Variants in DNTT observed in about 807,000 individuals in gnomAD.
DNTT encodes the protein DNA nucleotidylexotransferase.
A neutral mutation model predicts 60.9 loss-of-function variants in DNTT; 47 were observed. The observed-to-expected ratio is 0.77, with a 90% CI of 0.61 to 0.98. The LOEUF (loss-of-function observed/expected upper bound fraction) is 0.98, where lower values mean the gene tolerates loss of function less well. Ranked by LOEUF, DNTT falls within the 50% of genes least tolerant of loss-of-function variation. DNTT has a pLI of 0.00. For synonymous variants in DNTT, 224 were observed against 221.2 expected, an observed-to-expected ratio of 1.01 and a Z score of -0.11; for missense variants, 665 against 627.5, an observed-to-expected ratio of 1.06 and a Z score of -0.64.
intron 7 of DNTT, among the ~76,000 whole-genome samples, 193 bp from the exon 8 acceptor site, chr10:96,328,532 A>G (rs1326761504): frequency 6.6e-6 from 1 of 152,148 alleles, no homozygotes; most frequent in Non-Finnish European, 1.5e-5. Flanking sequence ...GCTATGTATG[A>G]CTTTTTCTGT....
intron 1 of DNTT, among the ~76,000 whole-genome samples, chr10:96,317,679 C>A (rs1325245533): frequency 6.6e-6 from 1 of 152,080 alleles, no homozygotes; most frequent in African/African-American, 2.4e-5. Flanking sequence ...AGCTGCCTTC[C>A]CCTTCTGCTA....
At chr10:96,334,513 T>C (rs1175096513) in intron 9 of DNTT, among the ~76,000 whole-genome samples, 2 of 152,160 alleles carry the variant, frequency 1.3e-5, no homozygotes, top group Non-Finnish European at 2.9e-5. Flanking sequence ...TTGAGTGAAA[T>C]GGGTTCGTAG....
At chr10:96,328,860 A>G in intron 8 of DNTT, 30 bp downstream of exon 8, 6 of 1,596,694 alleles carry the variant, frequency 3.8e-6, no homozygotes, top group Non-Finnish European at 4.3e-6. Context: ...ATACATGCAC[A>G]CGCAAACATT....
chr10:96,319,556 T>A (rs1844840902), intron 3 of DNTT, among the ~76,000 whole-genome samples, 166 bp downstream of exon 3: 1 of 152,230 alleles, frequency 6.6e-6, no homozygotes, highest in South Asian at 2.1e-4. Flanking sequence ...CTTCTTTCTA[T>A]CGAGACTGGG....
chr10:96,332,705 G>T (rs1356347383), intron 9 of DNTT, 109 bp downstream of exon 9: 95 of 1,508,538 alleles, frequency 6.3e-5, no homozygotes, highest in Non-Finnish European at 8.3e-5. Flanking sequence ...GGTGACAGGG[G>T]AGGGGCCAGT....
intron 1 of DNTT, among the ~76,000 whole-genome samples, chr10:96,317,735 C>T (rs1207709888): frequency 1.3e-5 from 2 of 152,228 alleles, no homozygotes; most frequent in African/African-American, 4.8e-5. Flanking sequence ...TGGGCCTTCA[C>T]TGGACACCAT....
rs770381772 is a variant in DNTT at position 96,304,685 on chromosome 10, T to C, written c.188T>C (p.Val63Ala). The C allele has an allele frequency of 7.4e-6, 12 of 1,613,576 alleles. No individual in the cohort carries two copies. Among genetic ancestry groups the C allele is most frequent in the Non-Finnish European group, 1.0e-5 (12 of 1,179,922 alleles). Reference protein sequence around the residue: ...MELARRKGFRVENELSDSVTH... With the variant: ...MELARRKGFRAENELSDSVTH... Reference sequence around the variant, plus strand: ...CTGGCCCGCAGGAAAGGGTTCAGGGTTGAAAATGAGCTCAGGTAGGACAGC... The same window carrying C: ...CTGGCCCGCAGGAAAGGGTTCAGGGCTGAAAATGAGCTCAGGTAGGACAGC... Residue 63 changes from valine to alanine, a missense_variant, in exon 1 of 11, where the codon GTT becomes GCT. Transcript: ENST00000371174.
Position 96,328,914 on chromosome 10 carries a change from G to T in DNTT, c.1113+84G>T, listed in dbSNP as rs931507173. 10 of 1,298,708 alleles carry T rather than the reference G, an allele frequency of 7.7e-6. No individual in the cohort carries two copies. The East Asian group carries it at 2.3e-4, about 31-fold the overall frequency. 80.4% of individuals were successfully genotyped at this position (1,298,708 alleles called of 1,614,324 possible). On this transcript the variant is annotated intron_variant, in intron 8 of 10. Transcript: ENST00000371174. ...TGCACATTACTTGCCTTATAATTGTGTAATGACCATCTAATCAATTCTCAA... is the reference window on the plus strand; with the variant it reads ...TGCACATTACTTGCCTTATAATTGTTTAATGACCATCTAATCAATTCTCAA...
In DNTT at chr10:96,307,343, G is replaced by GT. The variant is rs533516556; in HGVS notation, c.203+2674dup. ...CTGTTTTTATTTTCTGGGTTTTCCAGTTTTTTTTTTTTTTTTTTTTTTTTT... is the reference window on the plus strand; with the variant it reads ...CTGTTTTTATTTTCTGGGTTTTCCAGTTTTTTTTTTTTTTTTTTTTTTTTTT... On this transcript the variant is annotated intron_variant, in intron 1 of 10. Transcript: ENST00000371174. Among the ~76,000 whole-genome samples, 33 of 67,594 alleles carry GT rather than the reference G, an allele frequency of 4.9e-4. 2 individuals are homozygous for GT. The highest frequency in any genetic ancestry group is 1.9e-3 in the African/African-American group (30 of 15,552). The allele number at this position is 67,594 out of a possible 152,430, so 44.3% of individuals were successfully genotyped here.
At chr10:96,317,473 G>A (rs941996) in intron 1 of DNTT, among the ~76,000 whole-genome samples, 117,804 of 152,086 alleles carry the variant, frequency 0.77, 49,268 homozygotes, top group Non-Finnish European at 0.95. Context: ...TTAATTTATT[G>A]TTAATAATAA....
chr10:96,306,900 T>A (rs1844644723), intron 1 of DNTT, among the ~76,000 whole-genome samples: 1 of 152,252 alleles, frequency 6.6e-6, no homozygotes. Context: ...ATATAGACTT[T>A]AATTGGATAG....
chr10:96,332,004 C>A (rs1421708314), intron 8 of DNTT, among the ~76,000 whole-genome samples: 2 of 152,112 alleles, frequency 1.3e-5, no homozygotes, highest in Non-Finnish European at 2.9e-5. Flanking sequence ...TCTCAAATTC[C>A]TGCAGCGTGG....
intron 1 of DNTT, among the ~76,000 whole-genome samples, chr10:96,312,584 G>C (rs1844732844): frequency 6.6e-6 from 1 of 152,212 alleles, no homozygotes. Flanking sequence ...ACAGGGCAGA[G>C]AGATCACCCA....
intron 2 of DNTT, 129 bp from the exon 3 acceptor site, chr10:96,319,133 A>G: frequency 1.0e-6 from 1 of 997,420 alleles, no homozygotes; most frequent in South Asian, 2.0e-5. Context: ...AGAGATGTAT[A>G]TAACATAAAT....
chr10:96,324,306 A>T lies in DNTT; in HGVS notation c.791A>T (p.Glu264Val). The T allele has an allele frequency of 1.2e-6, 2 of 1,613,848 alleles. No homozygotes were observed. Among genetic ancestry groups the T allele is most frequent in the Non-Finnish European group, 1.7e-6 (2 of 1,179,848 alleles). ...SVFGVGLKTS[E>V]KWFRMGFRTL... is the part of the protein sequence containing the mutation. The stretch of plus-strand genomic sequence containing the variant: ...TTTGGAGTGGGGCTGAAGACTTCTG[A>T]GAAGTGGTTCAGGATGGGTTTCAGA... Residue 264 changes from glutamate to valine, a missense_variant, in exon 6 of 11, where the codon GAG becomes GTG. Transcript: ENST00000371174.
chr10:96,318,445 A>G lies in DNTT; in HGVS notation c.297A>G (p.Pro99=). The G allele has an allele frequency of 6.2e-7, 1 of 1,614,006 alleles. No individual in the cohort carries two copies. The highest frequency in any genetic ancestry group is 2.2e-5 in the East Asian group (1 of 44,884). ...QAQKVQVSSQ[P]ELLDVSWLIE... is the part of the protein sequence containing the mutation. Reference sequence around the variant, plus strand: ...AGAAAGTACAAGTCAGCTCACAACCAGAGCTCCTCGATGTCTCCTGGCTGA... The same window carrying G: ...AGAAAGTACAAGTCAGCTCACAACCGGAGCTCCTCGATGTCTCCTGGCTGA... Residue 99 remains proline, a synonymous_variant, in exon 2 of 11, where the codon CCA becomes CCG. Coordinates refer to ENST00000371174, the MANE Select transcript of DNTT (RefSeq NM_004088.4).
Position 96,304,669 on chromosome 10 carries a change from A to T in DNTT, c.172A>T (p.Arg58Trp), listed in dbSNP as rs747659437. 6.2e-7 allele frequency: 1 copy of T among 1,614,122 alleles called. No homozygotes were observed. Among genetic ancestry groups the T allele is most frequent in the Non-Finnish European group, 8.5e-7 (1 of 1,180,004 alleles). Residue 58 changes from arginine (R) to tryptophan (W), a missense_variant, in exon 1 of 11, where the codon AGG becomes TGG. Physicochemically the swap from Arg to Trp is moderately radical, Grantham distance 101 (BLOSUM62 -3). Coordinates refer to ENST00000371174, the MANE Select transcript of DNTT (RefSeq NM_004088.4). Reference protein sequence around the residue: ...RRAFLMELARRKGFRVENELS... With the variant: ...RRAFLMELARWKGFRVENELS... The stretch of plus-strand genomic sequence containing the variant: ...AGCGTTCCTCATGGAGCTGGCCCGC[A>T]GGAAAGGGTTCAGGGTTGAAAATGA...
chr10:96,333,740 C>T (rs1308163763), intron 9 of DNTT, among the ~76,000 whole-genome samples: 4 of 152,080 alleles, frequency 2.6e-5, no homozygotes, highest in Admixed American at 6.5e-5. Context: ...TGTATGATCT[C>T]GTTTCTGTAT....
chr10:96,304,710 C>A lies in DNTT; in HGVS notation c.203+10C>A. 1 of 1,611,960 alleles carries A rather than the reference C, an allele frequency of 6.2e-7. No individual in the cohort carries two copies. Among genetic ancestry groups the A allele is most frequent in the Non-Finnish European group, 8.5e-7 (1 of 1,178,858 alleles). ...TTGAAAATGAGCTCAGGTAGGACAG[C>A]ATCGATCTTGCTTTGTAAATAAGCA... is the stretch of plus-strand genomic sequence containing the variant. On this transcript the variant is annotated intron_variant, in intron 1 of 10. Transcript: ENST00000371174.
Sources: allele counts gnomAD v4.1 joint callset (sites outside exome capture counted in the v4.1 genomes callset), GRCh38; gene constraint gnomAD v4.1.1; transcripts MANE v1.5; gene names NCBI Gene and HGNC (gene_info 2026-07-23, HGNC 2026-07-21).